The following PXDNL variants were observed in gnomAD, a reference collection of about 807,000 sequenced individuals.
PXDNL encodes peroxidasin like, also known as probable oxidoreductase PXDNL.
Under a neutral mutation model 150.8 loss-of-function variants are expected in PXDNL, and 145 were observed. The ratio of observed to expected loss-of-function variants is 0.96; its 90% confidence interval spans 0.84 to 1.10. PXDNL has a LOEUF of 1.10. Ranked by LOEUF, PXDNL falls within the 50% of genes least tolerant of loss-of-function variation. The probability of loss-of-function intolerance (pLI) is 0.00; values close to 1 mark genes in which losing one functional copy is unlikely to be tolerated. For synonymous variants in PXDNL, 757 were observed against 725.7 expected (o/e 1.04, Z -0.69); for missense variants, 2,087 against 1,873.9 (o/e 1.11, Z -2.10).
intron 5 of PXDNL, among the ~76,000 whole-genome samples, chr8:51,495,348 C>A (rs1160579048): frequency 6.6e-6 from 1 of 151,890 alleles, no homozygotes; most frequent in Non-Finnish European, 1.5e-5. Flanking sequence ...AAAATTGACA[C>A]CCTAACATCA....
At chr8:51,333,679 G>C (rs73577701) in intron 21 of PXDNL, among the ~76,000 whole-genome samples, 6,207 of 152,022 alleles carry the variant, frequency 0.041, 417 homozygotes, top group African/African-American at 0.14. Context: ...TAGACACCCA[G>C]ACAAAACAAA....
At chr8:51,347,492 T>G (rs914895893) in intron 19 of PXDNL, among the ~76,000 whole-genome samples, 1 of 152,254 alleles carries the variant, frequency 6.6e-6, no homozygotes, top group Non-Finnish European at 1.5e-5. Context: ...ATACTGGTTA[T>G]GGTTGTTACT....
chr8:51,626,941 T>G (rs138804110), intron 2 of PXDNL, among the ~76,000 whole-genome samples: 1 of 152,322 alleles, frequency 6.6e-6, no homozygotes, highest in Admixed American at 6.5e-5. Flanking sequence ...ACATTAGCTG[T>G]GCTTTCTTGA....
chr8:51,417,212 A>C (rs1808822402), intron 14 of PXDNL, among the ~76,000 whole-genome samples: 1 of 152,244 alleles, frequency 6.6e-6, no homozygotes, highest in Admixed American at 6.5e-5. Context: ...AAAATTTTAC[A>C]GGAGTAGAGG....
chr8:51,735,526 GTTT>G (rs777986365), intron 1 of PXDNL, among the ~76,000 whole-genome samples: 2 of 41,056 alleles, frequency 4.9e-5, no homozygotes, highest in South Asian at 8.3e-4. Flanking sequence ...ATTAAAAATT[GTTT>G]TTTTTTTTTT....
Position 51,556,794 on chromosome 8 carries a change from G to C in PXDNL, c.380+46C>G, listed in dbSNP as rs373413436. 1,110 of 1,026,776 alleles carry C rather than the reference G, an allele frequency of 1.1e-3. 14 individuals carry two copies. The highest frequency in any genetic ancestry group is 1.1e-3 in the Middle Eastern group (4 of 3,736). 63.6% of individuals were successfully genotyped at this position (1,026,776 alleles called of 1,614,324 possible). A position where few individuals can be genotyped will look rare whatever the true frequency, so the allele number is the denominator to read the frequency against. On this transcript the variant is annotated intron_variant, in intron 4 of 22. Transcript: ENST00000356297. ...ATGGCATTTAAAAAGCTGTCTATTT[G>C]AACTGTCACCATGAGTGATTTAATA...
intron 17 of PXDNL, among the ~76,000 whole-genome samples, chr8:51,380,817 C>A (rs1471360614): frequency 1.3e-5 from 2 of 152,068 alleles, no homozygotes; most frequent in African/African-American, 4.8e-5. Flanking sequence ...TCCTAGAATT[C>A]TAACAGCCTT....
In PXDNL at chr8:51,331,073, T is replaced by A. The variant is rs548304693; in HGVS notation, c.4146+8551A>T. On this transcript the variant is annotated intron_variant, in intron 21 of 22. Coordinates refer to ENST00000356297, the MANE Select transcript of PXDNL (RefSeq NM_144651.5). ...ATCAACTGCAAGAACAAACCAGCAA[T>A]CCCGAGAGGATCCACAGACCCTCTG... 2.6e-5 allele frequency among the ~76,000 whole-genome samples: 4 copies of A among 152,096 alleles called. No homozygotes were observed. The South Asian group carries it at 8.3e-4, about 32-fold the overall frequency.
chr8:51,725,814 C>A (rs1331488497), intron 1 of PXDNL, among the ~76,000 whole-genome samples: 1 of 152,172 alleles, frequency 6.6e-6, no homozygotes, highest in Admixed American at 6.5e-5. Context: ...GGTCAACAGG[C>A]AAGTATTCAC....
At chr8:51,335,061 T>C (rs989210685) in intron 21 of PXDNL, among the ~76,000 whole-genome samples, 1 of 152,202 alleles carries the variant, frequency 6.6e-6, no homozygotes, top group Admixed American at 6.5e-5. Context: ...ACCATCTACA[T>C]TTACTTGTTT....
At chr8:51,654,782 G>A in intron 1 of PXDNL, 22 bp from the exon 2 acceptor site, 3 of 1,583,800 alleles carry the variant, frequency 1.9e-6, no homozygotes, top group Non-Finnish European at 2.6e-6. Context: ...AAAAGGTGAA[G>A]AACGATTATA....
intron 2 of PXDNL, among the ~76,000 whole-genome samples, chr8:51,644,541 G>C (rs1381674486): frequency 1.3e-5 from 2 of 150,390 alleles, no homozygotes; most frequent in Non-Finnish European, 3.0e-5. Flanking sequence ...CTCATTGCAA[G>C]CTCCACCTCC....
chr8:51,474,976 A>G lies in PXDNL; in HGVS notation c.690T>C (p.Asn230=), dbSNP rs570162108. 3.6e-5 allele frequency: 57 copies of G among 1,592,110 alleles called. No individual in the cohort carries two copies. The highest frequency in any genetic ancestry group is 1.1e-4 in the East Asian group (5 of 44,156). ...AVASVTVEEF[N]CQSPRITFEP... is the part of the protein sequence containing the mutation. ...TACACATTGAAATTTACGTACGGCA[A>G]TTGAATTCCTCTACTGTTACTGAAG... is the stretch of plus-strand genomic sequence containing the variant. The change falls in exon 7 of 23, where the codon AAT becomes AAC. Residue 230 remains asparagine, a synonymous_variant. Coordinates refer to ENST00000356297, the MANE Select transcript of PXDNL (RefSeq NM_144651.5).
intron 21 of PXDNL, among the ~76,000 whole-genome samples, chr8:51,326,167 T>A (rs188267269): frequency 1.9e-4 from 29 of 152,308 alleles, no homozygotes; most frequent in Non-Finnish European, 5.9e-5. Context: ...ATGTTTGTTT[T>A]AAACGTGATA....
intron 1 of PXDNL, among the ~76,000 whole-genome samples, chr8:51,729,600 A>C (rs1816879459): frequency 6.6e-6 from 1 of 152,210 alleles, no homozygotes; most frequent in Non-Finnish European, 1.5e-5. Context: ...TTTCTTACAA[A>C]AATAAGCATA....
intron 1 of PXDNL, among the ~76,000 whole-genome samples, chr8:51,677,649 C>T (rs1815653013): frequency 6.6e-6 from 1 of 152,120 alleles, no homozygotes; most frequent in South Asian, 2.1e-4. Context: ...TTGAAGTCAC[C>T]ATTTCCAAAA....
chr8:51,493,327 G>A (rs1388900804), intron 5 of PXDNL, among the ~76,000 whole-genome samples: 1 of 126,358 alleles, frequency 7.9e-6, no homozygotes, highest in Non-Finnish European at 1.6e-5. Flanking sequence ...CCACAAAGAT[G>A]GGGAAAAAAA....
rs149314497 is a variant in PXDNL, at chr8:51,540,660, T to C, written c.380+16180A>G. 8.2e-3 allele frequency among the ~76,000 whole-genome samples: 1,242 copies of C among 152,332 alleles called. 9 individuals are homozygous for C. The highest frequency in any genetic ancestry group is 0.013 in the Non-Finnish European group (897 of 68,038). ...AATCTATCTCGGGGAATGATACTTATGTGGTTGAAAAAGTTGTGTATTCTT... is the reference window on the plus strand; with the variant it reads ...AATCTATCTCGGGGAATGATACTTACGTGGTTGAAAAAGTTGTGTATTCTT... On this transcript the variant is annotated intron_variant, in intron 4 of 22. Transcript: ENST00000356297.
intron 20 of PXDNL, among the ~76,000 whole-genome samples, chr8:51,342,652 C>T (rs1806024161): frequency 6.6e-6 from 1 of 152,080 alleles, no homozygotes; most frequent in Non-Finnish European, 1.5e-5. Flanking sequence ...GTCTGGGAAG[C>T]TGTGTAAAGA....
Sources: allele counts gnomAD v4.1 joint callset (sites outside exome capture counted in the v4.1 genomes callset), GRCh38; gene constraint gnomAD v4.1.1; transcripts MANE v1.5; gene names NCBI Gene and HGNC (gene_info 2026-07-23, HGNC 2026-07-21).